The following GULP1 variants were observed in gnomAD, a reference collection of about 807,000 sequenced individuals.
GULP1 encodes the protein PTB domain-containing engulfment adapter protein 1.
In GULP1, 19 loss-of-function variants were observed where a neutral mutation model predicts 40.9. The observed-to-expected ratio is 0.46, with a 90% CI of 0.32 to 0.68. The LOEUF is 0.68. GULP1 is among the 30% of genes least tolerant of loss of function. The pLI is 0.03. For synonymous variants in GULP1, 119 were observed against 117.6 expected, an observed-to-expected ratio of 1.01 and a Z score of -0.08; for missense variants, 312 against 362.2, an observed-to-expected ratio of 0.86 and a Z score of 1.12.
At position 188,520,493 on chromosome 2, in the gene GULP1, G is replaced by A. The variant is rs367659994; in HGVS notation, c.91-2263G>A. 2.7e-5 allele frequency among the ~76,000 whole-genome samples: 4 copies of A among 145,462 alleles called. No homozygotes were observed. The East Asian group carries it at 6.1e-4, about 22-fold the overall frequency. ...TGCAGTGAGCCGAGGTTGCACCACT[G>A]CACTCCAGCCTGGAAACACAGCGAG... On this transcript the variant is annotated intron_variant, in intron 4 of 11. Transcript: ENST00000409830.
At chr2:188,406,571 A>G (rs2053136492) in intron 2 of GULP1, among the ~76,000 whole-genome samples, 1 of 152,182 alleles carries the variant, frequency 6.6e-6, no homozygotes, top group African/African-American at 2.4e-5. Flanking sequence ...ACAATTAATG[A>G]AATAAAAAAT....
At chr2:188,376,014 G>T (rs1385540428) in intron 1 of GULP1, among the ~76,000 whole-genome samples, 1 of 151,968 alleles carries the variant, frequency 6.6e-6, no homozygotes, top group Non-Finnish European at 1.5e-5. Context: ...TTTACATTCT[G>T]TGAATACCAG....
intron 1 of GULP1, among the ~76,000 whole-genome samples, chr2:188,356,948 T>C (rs2045407078): frequency 6.6e-6 from 1 of 152,076 alleles, no homozygotes; most frequent in Non-Finnish European, 1.5e-5. Context: ...ACCAAGAACA[T>C]TTATTGTAGA....
chr2:188,300,809 A>C (rs2035995843), intron 1 of GULP1, among the ~76,000 whole-genome samples: 1 of 152,178 alleles, frequency 6.6e-6, no homozygotes, highest in African/African-American at 2.4e-5. Context: ...GTAGGTCTGG[A>C]CCACCTTGAA....
chr2:188,549,259 C>G (rs1692818726), intron 7 of GULP1, among the ~76,000 whole-genome samples: 1 of 151,698 alleles, frequency 6.6e-6, no homozygotes, highest in South Asian at 2.1e-4. Flanking sequence ...ATTAGCAAAC[C>G]ACATATCAGA....
chr2:188,533,155 A>G (rs1688008022), intron 6 of GULP1, among the ~76,000 whole-genome samples: 1 of 152,116 alleles, frequency 6.6e-6, no homozygotes, highest in Admixed American at 6.6e-5. Flanking sequence ...TTTTTCATTA[A>G]CTTTAAATAT....
intron 2 of GULP1, among the ~76,000 whole-genome samples, chr2:188,389,992 G>A (rs995793900): frequency 2.7e-5 from 4 of 150,910 alleles, no homozygotes; most frequent in Non-Finnish European, 5.9e-5. Flanking sequence ...GCATTTCATG[G>A]TGTACATATA....
At chr2:188,303,913 A>G (rs1480446869) in intron 1 of GULP1, among the ~76,000 whole-genome samples, 1 of 152,172 alleles carries the variant, frequency 6.6e-6, no homozygotes, top group African/African-American at 2.4e-5. Flanking sequence ...AAGTGCTGCA[A>G]TTCTCAGAGG....
chr2:188,556,027 C>T (rs1694654801), intron 7 of GULP1, among the ~76,000 whole-genome samples: 1 of 147,900 alleles, frequency 6.8e-6, no homozygotes, highest in African/African-American at 2.5e-5. Flanking sequence ...CACTGCAGCC[C>T]ATCCTGGGTG....
chr2:188,483,215 T>C (rs555250761), intron 3 of GULP1, among the ~76,000 whole-genome samples: 2 of 152,050 alleles, frequency 1.3e-5, no homozygotes, highest in East Asian at 1.9e-4. Context: ...TTGAAAACTT[T>C]AAAAAGAAAA....
intron 9 of GULP1, among the ~76,000 whole-genome samples, chr2:188,581,744 G>A (rs1354905): frequency 0.46 from 70,591 of 151,998 alleles, 17,051 homozygotes; most frequent in East Asian, 0.81. Context: ...GATGACTAGA[G>A]TCAGACTGTT....
chr2:188,373,656 G>T (rs2047912924), intron 1 of GULP1, among the ~76,000 whole-genome samples: 1 of 151,872 alleles, frequency 6.6e-6, no homozygotes. Context: ...TATTTGACCA[G>T]TTATTAAGAC....
intron 1 of GULP1, among the ~76,000 whole-genome samples, chr2:188,350,730 A>C (rs2044339844): frequency 6.6e-6 from 1 of 152,088 alleles, no homozygotes; most frequent in South Asian, 2.1e-4. Context: ...AAATTTTTGA[A>C]AAACATGATT....
chr2:188,375,195 G>GATTTTA (rs1478074650), intron 1 of GULP1, among the ~76,000 whole-genome samples: 4 of 152,146 alleles, frequency 2.6e-5, no homozygotes, highest in Admixed American at 2.0e-4. Context: ...ATTTTACCGA[G>GATTTTA]CAGTGTATGT....
chr2:188,335,225 G>A (rs2042105994), intron 1 of GULP1, among the ~76,000 whole-genome samples: 1 of 152,148 alleles, frequency 6.6e-6, no homozygotes, highest in Admixed American at 6.5e-5. Flanking sequence ...GGAAAGCAGA[G>A]TAAATTAATT....
At chr2:188,521,500 C>T (rs1200197192) in intron 4 of GULP1, among the ~76,000 whole-genome samples, 1 of 152,068 alleles carries the variant, frequency 6.6e-6, no homozygotes, top group Admixed American at 6.5e-5. Flanking sequence ...CCTCAGCAAA[C>T]TTAAAATCAT....
intron 1 of GULP1, among the ~76,000 whole-genome samples, chr2:188,298,732 A>G (rs186516661): frequency 2.6e-4 from 39 of 152,308 alleles, no homozygotes; most frequent in African/African-American, 8.9e-4. Flanking sequence ...AGCTGATTAC[A>G]TTAAGCAGAC....
intron 1 of GULP1, among the ~76,000 whole-genome samples, chr2:188,373,880 C>A (rs1438621976): frequency 6.6e-6 from 1 of 151,918 alleles, no homozygotes; most frequent in Non-Finnish European, 1.5e-5. Context: ...TCAATATCAC[C>A]TGTAACATAT....
chr2:188,589,974 C>CT (rs11399381), intron 11 of GULP1: 127,332 of 209,122 alleles, frequency 0.61, 35,734 homozygotes, highest in East Asian at 0.72. Context: ...CCTTTCTTTT[C>CT]TTTTTTTTTT....
Sources: gnomAD v4.1 joint callset for allele counts (sites outside exome capture counted in the v4.1 genomes callset) on GRCh38, gnomAD v4.1.1 for gene constraint, MANE v1.5 for transcripts, NCBI Gene and HGNC (gene_info 2026-07-23, HGNC 2026-07-21) for gene names.